Variants in CEP295 observed in about 807,000 individuals in gnomAD.
CEP295 encodes centrosomal protein of 295 kDa.
Under a neutral mutation model 291.6 loss-of-function variants are expected in CEP295, and 190 were observed. The observed-to-expected ratio is 0.65, with a 90% CI of 0.58 to 0.73. The LOEUF (loss-of-function observed/expected upper bound fraction) is 0.73, where lower values mean the gene tolerates loss of function less well. Ranked by LOEUF, CEP295 falls within the 30% of genes least tolerant of loss-of-function variation. CEP295 has a pLI of 0.00. For synonymous variants in CEP295, 993 were observed against 1,038.8 expected (o/e 0.96, Z 0.85); for missense variants, 2,863 against 2,949.4 (o/e 0.97, Z 0.68).
intron 20 of CEP295, 121 bp from the exon 21 acceptor site, chr11:93,722,920 A>AG: frequency 1.4e-6 from 1 of 702,662 alleles, no homozygotes; most frequent in Non-Finnish European, 2.3e-6. Context: ...CATGTTGGCG[A>AG]GATGGTCTCC....
At chr11:93,677,571 C>G (rs1233535424) in intron 6 of CEP295, among the ~76,000 whole-genome samples, 2 of 152,102 alleles carry the variant, frequency 1.3e-5, no homozygotes, top group Non-Finnish European at 2.9e-5. Flanking sequence ...GCTTAAAAGT[C>G]CTACATTACA....
At chr11:93,685,282 T>C (rs1299320322) in intron 9 of CEP295, among the ~76,000 whole-genome samples, 1 of 152,268 alleles carries the variant, frequency 6.6e-6, no homozygotes, top group Non-Finnish European at 1.5e-5. Context: ...ACTGTGAACA[T>C]AGCCTTTTGG....
chr11:93,684,246 TGGGAG>T, intron 9 of CEP295, 118 bp downstream of exon 9: 1 of 717,388 alleles, frequency 1.4e-6, no homozygotes, highest in Non-Finnish European at 2.3e-6. Context: ...GTAATACTGA[TGGGAG>T]CAGTAGCTAA....
Position 93,712,740 on chromosome 11 carries a change from G to C in CEP295, c.5749+5843G>C, listed in dbSNP as rs141517818. ...CCACACTATGTCTTTTGCTTGGAGA[G>C]TTTAGTCCATTTACATTGAACATTA... On this transcript the variant is annotated intron_variant, in intron 18 of 29. Transcript: ENST00000325212. 4.2e-3 allele frequency among the ~76,000 whole-genome samples: 641 copies of C among 152,060 alleles called. 4 individuals carry two copies. The highest frequency in any genetic ancestry group is 7.0e-3 in the Non-Finnish European group (475 of 67,984).
At position 93,666,936 on chromosome 11, in the gene CEP295, G is replaced by T. The variant is rs1330302544; in HGVS notation, c.108+121G>T. 8 of 565,444 alleles carry T rather than the reference G, an allele frequency of 1.4e-5. 1 individual carries two copies. In the East Asian group the frequency reaches 2.2e-4, roughly 16 times the overall value. 35.0% of individuals were successfully genotyped at this position (565,444 alleles called of 1,614,324 possible). A position where few individuals can be genotyped will look rare whatever the true frequency, so the allele number is the denominator to read the frequency against. On this transcript the variant is annotated intron_variant, in intron 2 of 29. Coordinates refer to ENST00000325212, the MANE Select transcript of CEP295 (RefSeq NM_033395.2). ...CCTCTTCTGGGTATACGAGAGCCCT[G>T]GTTATTTGGTATTAACTAGTTTTGG...
chr11:93,703,034 GCT>G, intron 17 of CEP295, 115 bp downstream of exon 17: 1 of 836,714 alleles, frequency 1.2e-6, no homozygotes, highest in East Asian at 2.8e-5. Flanking sequence ...TGTGATCTCA[GCT>G]CACTGAAACC....
chr11:93,662,924 A>G (rs1950052165), intron 1 of CEP295, among the ~76,000 whole-genome samples: 1 of 152,222 alleles, frequency 6.6e-6, no homozygotes, highest in Admixed American at 6.5e-5. Context: ...AAGGTGCCTA[A>G]TCAATTCTGT....
Position 93,698,626 on chromosome 11 carries a change from A to G in CEP295, c.3714A>G (p.Arg1238=). 6.4e-7 allele frequency: 1 copy of G among 1,551,386 alleles called. No homozygotes were observed. The highest frequency in any genetic ancestry group is 8.7e-7 in the Non-Finnish European group (1 of 1,147,130). Residue 1238 remains arginine (R), a synonymous_variant, in exon 15 of 30, where the codon AGA becomes AGG. Coordinates refer to ENST00000325212, the MANE Select transcript of CEP295 (RefSeq NM_033395.2). ...CCTTAAGCCATCCTAAGATCCCAAG[A>G]TGTCAGGAAAGACTTTTGAGAGTTT... ...TIPLSHPKIP[R]CQERLLRVSQ... is the part of the protein sequence containing the mutation.
At chr11:93,695,475 T>A (rs1355351223) in intron 12 of CEP295, 22 bp from the exon 13 acceptor site, 19 of 1,397,056 alleles carry the variant, frequency 1.4e-5, no homozygotes, top group Non-Finnish European at 1.8e-5. Context: ...TGTTAATAGA[T>A]CAATAGTATT....
chr11:93,686,178 G>A lies in CEP295; in HGVS notation c.1115-1466G>A, dbSNP rs978855825. Among the ~76,000 whole-genome samples the A allele has an allele frequency of 1.2e-3, 184 of 152,164 alleles. 1 individual carries two copies. Among genetic ancestry groups the A allele is most frequent in the African/African-American group, 4.2e-3 (173 of 41,562 alleles). On this transcript the variant is annotated intron_variant, in intron 9 of 29. Coordinates refer to ENST00000325212, the MANE Select transcript of CEP295 (RefSeq NM_033395.2). ...TACCAAAAATACAAAAATTAGCCGGGTGTAGTGGCGCTCACCTGTAATCCC... is the reference window on the plus strand; with the variant it reads ...TACCAAAAATACAAAAATTAGCCGGATGTAGTGGCGCTCACCTGTAATCCC...
At chr11:93,684,277 T>C (rs1951116970) in intron 9 of CEP295, 149 bp downstream of exon 9, 2 of 587,038 alleles carry the variant, frequency 3.4e-6, no homozygotes, top group East Asian at 2.8e-5. Flanking sequence ...ACAACGTTTT[T>C]ATATTTCCAT....
chr11:93,687,641 T>G lies in CEP295; in HGVS notation c.1115-3T>G. 6.8e-7 allele frequency: 1 copy of G among 1,464,488 alleles called. No individual in the cohort carries two copies. The highest frequency in any genetic ancestry group is 9.2e-7 in the Non-Finnish European group (1 of 1,083,964). The allele number at this position is 1,464,488 out of a possible 1,614,324, so 90.7% of individuals were successfully genotyped here. Reference sequence around the variant, plus strand: ...AAGTTTTTTCCCTTTTTCTTTCTTTTAGTTCCCTTGGTAATGAAGACCCAA... The same window carrying G: ...AAGTTTTTTCCCTTTTTCTTTCTTTGAGTTCCCTTGGTAATGAAGACCCAA... On this transcript the variant is annotated splice_region_variant and splice_polypyrimidine_tract_variant and intron_variant, in intron 9 of 29. Transcript: ENST00000325212.
intron 18 of CEP295, among the ~76,000 whole-genome samples, chr11:93,709,148 G>A (rs1235583820): frequency 6.6e-6 from 1 of 152,082 alleles, no homozygotes; most frequent in Non-Finnish European, 1.5e-5. Context: ...TTTTTAATTT[G>A]ATGTGATTCC....
At position 93,698,392 on chromosome 11, in the gene CEP295, A is replaced by G. The variant is rs1189886474; in HGVS notation, c.3480A>G (p.Gln1160=). 1 of 1,552,094 alleles carries G rather than the reference A, an allele frequency of 6.4e-7. No individual in the cohort carries two copies. Among genetic ancestry groups the G allele is most frequent in the African/African-American group, 1.4e-5 (1 of 73,062 alleles). Residue 1160 remains glutamine, a synonymous_variant, in exon 15 of 30, where the codon CAA becomes CAG. Transcript: ENST00000325212. ...LSFPQHSLAQ[Q]ENLTILQEQS... ...TTCCACAGCATAGCCTGGCACAGCAAGAAAATTTGACAATACTCCAAGAAC... is the reference window on the plus strand; with the variant it reads ...TTCCACAGCATAGCCTGGCACAGCAGGAAAATTTGACAATACTCCAAGAAC...
Position 93,725,831 on chromosome 11 carries a change from G to T in CEP295, c.6499G>T (p.Gly2167Ter). 4.5e-6 allele frequency: 7 copies of T among 1,547,204 alleles called. No homozygotes were observed. The highest frequency in any genetic ancestry group is 5.2e-6 in the Non-Finnish European group (6 of 1,145,614). ...TTTTGCTACAGAAAATATTATTGGG[G>T]GTATGTATGACTAAGTTAGAAAAAG... is the stretch of plus-strand genomic sequence containing the variant. ...HSFATENIIGGSEQCFEQLQP... is the reference protein window; with the variant it reads ...HSFATENIIG Residue 2167 changes from glycine to a stop codon, truncating the protein, a stop_gained and splice_region_variant, in exon 23 of 30, where the codon GGA (glycine) becomes TGA (stop). Transcript: ENST00000325212. LOFTEE classifies it high-confidence loss of function.
In CEP295 at chr11:93,715,679, G is replaced by A. The variant is rs567911233; in HGVS notation, c.5750-5633G>A. On this transcript the variant is annotated intron_variant, in intron 18 of 29. Coordinates refer to ENST00000325212, the MANE Select transcript of CEP295 (RefSeq NM_033395.2). Reference sequence around the variant, plus strand: ...TTGGCTACCACTGCTAGGACCCAAGGGCTCTTTAATCAGCAGGTGATGAAT... The same window carrying A: ...TTGGCTACCACTGCTAGGACCCAAGAGCTCTTTAATCAGCAGGTGATGAAT... Among the ~76,000 whole-genome samples, 28 of 152,066 alleles carry A rather than the reference G, an allele frequency of 1.8e-4. No homozygotes were observed. In the East Asian group the frequency reaches 5.2e-3, roughly 28 times the overall value.
chr11:93,717,619 G>A (rs1401024340), intron 18 of CEP295, among the ~76,000 whole-genome samples: 2 of 152,178 alleles, frequency 1.3e-5, no homozygotes, highest in African/African-American at 2.4e-5. Context: ...AGTTGTAACT[G>A]GTAAAACAGC....
chr11:93,681,408 T>TTTC (rs1950956419), intron 7 of CEP295, among the ~76,000 whole-genome samples: 2 of 97,950 alleles, frequency 2.0e-5, no homozygotes, highest in Non-Finnish European at 4.2e-5. Context: ...AGCTAATTTT[T>TTTC]TTTTTTTTTT....
At chr11:93,710,731 C>T (rs561648182) in intron 18 of CEP295, among the ~76,000 whole-genome samples, 5 of 152,254 alleles carry the variant, frequency 3.3e-5, no homozygotes, top group African/African-American at 9.6e-5. Flanking sequence ...AGCAGTGAAG[C>T]GATAGTGTCC....
Sources: gnomAD v4.1 joint callset for allele counts (sites outside exome capture counted in the v4.1 genomes callset) on GRCh38, gnomAD v4.1.1 for gene constraint, MANE v1.5 for transcripts, NCBI Gene and HGNC (gene_info 2026-07-23, HGNC 2026-07-21) for gene names.